CNTN3: variants seen among roughly 807,000 people sequenced by gnomAD.
CNTN3 encodes the protein contactin-3.
In CNTN3, 60 loss-of-function variants were observed where a neutral mutation model predicts 119.1. That is an observed-to-expected ratio of 0.50 (90% CI 0.41 to 0.62). The LOEUF (loss-of-function observed/expected upper bound fraction) is 0.62. Ranked by LOEUF, CNTN3 falls within the 20% of genes least tolerant of loss-of-function variation. The probability of loss-of-function intolerance (pLI) is 0.00; values close to 1 mark genes in which losing one functional copy is unlikely to be tolerated. For missense variants in CNTN3, 1,101 were observed against 1,242.4 expected (o/e 0.89, Z 1.71); for synonymous variants, 450 against 438.7 (o/e 1.03, Z -0.32).
chr3:74,399,102 TCTC>T (rs2106845374), intron 5 of CNTN3, among the ~76,000 whole-genome samples: 1 of 152,280 alleles, frequency 6.6e-6, no homozygotes, highest in South Asian at 2.1e-4. Context: ...TGGAATTTAT[TCTC>T]CTATCTAACT....
chr3:74,352,871 T>C (rs1191688645), intron 11 of CNTN3, among the ~76,000 whole-genome samples: 2 of 152,168 alleles, frequency 1.3e-5, no homozygotes, highest in African/African-American at 4.8e-5. Context: ...GTAGATTCAC[T>C]GAAACTCACT....
At chr3:74,369,479 G>A in intron 7 of CNTN3, 106 bp from the exon 8 acceptor site, 2 of 804,976 alleles carry the variant, frequency 2.5e-6, no homozygotes, top group Admixed American at 3.2e-5. Flanking sequence ...TTTAAATGCA[G>A]AAAACCACTT....
At chr3:74,324,207 C>A (rs1257061509) in intron 13 of CNTN3, among the ~76,000 whole-genome samples, 1 of 133,988 alleles carries the variant, frequency 7.5e-6, no homozygotes, top group Non-Finnish European at 1.6e-5. Flanking sequence ...CAAACTAACT[C>A]TTCTTCTTCT....
At chr3:74,416,478 T>C (rs967088838) in intron 5 of CNTN3, among the ~76,000 whole-genome samples, 19 of 152,278 alleles carry the variant, frequency 1.2e-4, no homozygotes, top group African/African-American at 3.6e-4. Flanking sequence ...TCAAGCAGTC[T>C]AGCTCTAGGT....
chr3:74,346,551 T>G (rs1285070272), intron 11 of CNTN3, among the ~76,000 whole-genome samples: 1 of 152,206 alleles, frequency 6.6e-6, no homozygotes, highest in Non-Finnish European at 1.5e-5. Flanking sequence ...ATGAATTGTT[T>G]GGAGTGAGGC....
rs187759098 is a variant in CNTN3, at chr3:74,464,783, C to A, written c.358+21673G>T. 2.2e-3 allele frequency among the ~76,000 whole-genome samples: 339 copies of A among 152,266 alleles called. 1 individual carries two copies. The highest frequency in any genetic ancestry group is 7.7e-3 in the African/African-American group (320 of 41,560). ...GTCATTTGTGCTGTTAAATTAATTA[C>A]AATATAAAATAGGTTAATGGCATCT... On this transcript the variant is annotated intron_variant, in intron 4 of 22. Transcript: ENST00000263665.
At chr3:74,411,588 T>G (rs1026837347) in intron 5 of CNTN3, among the ~76,000 whole-genome samples, 1 of 152,234 alleles carries the variant, frequency 6.6e-6, no homozygotes, top group South Asian at 2.1e-4. Flanking sequence ...ATTGTCCTCA[T>G]ACTTTTCCAT....
chr3:74,277,210 C>G (rs574181632), intron 20 of CNTN3, among the ~76,000 whole-genome samples: 1 of 151,674 alleles, frequency 6.6e-6, no homozygotes, highest in East Asian at 1.9e-4. Context: ...CCATTGGAAC[C>G]AATCCTGTTT....
At chr3:74,465,209 A>G (rs1210150931) in intron 4 of CNTN3, among the ~76,000 whole-genome samples, 1 of 152,192 alleles carries the variant, frequency 6.6e-6, no homozygotes, top group Non-Finnish European at 1.5e-5. Flanking sequence ...CTGTAAGCTA[A>G]CTTCCAAAAT....
intron 4 of CNTN3, among the ~76,000 whole-genome samples, chr3:74,456,468 T>C (rs1372757253): frequency 1.3e-5 from 2 of 152,016 alleles, no homozygotes; most frequent in African/African-American, 4.8e-5. Flanking sequence ...AGGAGGGGAA[T>C]AGATATGAAA....
chr3:74,268,035 TAA>T lies in CNTN3; in HGVS notation c.2705-659_2705-658del, dbSNP rs564266272. ...AAAAATTGCAAGAGAGTCTATATTTTAAAAGTCTTCGTTTTCCAGGCTTAAAT... is the reference window on the plus strand; with the variant it reads ...AAAAATTGCAAGAGAGTCTATATTTTAAGTCTTCGTTTTCCAGGCTTAAAT... On this transcript the variant is annotated intron_variant, in intron 20 of 22. Coordinates refer to ENST00000263665, the MANE Select transcript of CNTN3 (RefSeq NM_020872.3). Among the ~76,000 whole-genome samples the T allele has an allele frequency of 3.5e-3, 539 of 152,258 alleles. 2 individuals carry two copies. The highest frequency in any genetic ancestry group is 0.012 in the African/African-American group (500 of 41,554).
intron 13 of CNTN3, among the ~76,000 whole-genome samples, chr3:74,315,754 T>C (rs1314797405): frequency 6.6e-6 from 1 of 152,120 alleles, no homozygotes; most frequent in Non-Finnish European, 1.5e-5. Context: ...AATTGGTTAT[T>C]CATATGCAGA....
At chr3:74,340,196 T>C (rs571321098) in intron 11 of CNTN3, among the ~76,000 whole-genome samples, 1 of 152,244 alleles carries the variant, frequency 6.6e-6, no homozygotes, top group South Asian at 2.1e-4. Context: ...GTGTAAGGGC[T>C]TGAGCATCCA....
chr3:74,573,173 T>C (rs1014539752), intron 1 of CNTN3, among the ~76,000 whole-genome samples: 7 of 152,034 alleles, frequency 4.6e-5, no homozygotes, highest in African/African-American at 1.7e-4. Flanking sequence ...TCAACATGAA[T>C]GTATTAATAT....
intron 2 of CNTN3, among the ~76,000 whole-genome samples, chr3:74,516,774 A>C (rs1420281766): frequency 6.9e-6 from 1 of 144,320 alleles, no homozygotes; most frequent in South Asian, 2.1e-4. Flanking sequence ...AGCCCTGATA[A>C]GTAAATGAGC....
At chr3:74,414,484 A>C (rs1240233027) in intron 5 of CNTN3, among the ~76,000 whole-genome samples, 1 of 152,206 alleles carries the variant, frequency 6.6e-6, no homozygotes, top group Non-Finnish European at 1.5e-5. Flanking sequence ...ATGTGTTTCA[A>C]AGTATGGCTT....
At chr3:74,535,987 A>G (rs986661972) in intron 1 of CNTN3, among the ~76,000 whole-genome samples, 3 of 152,122 alleles carry the variant, frequency 2.0e-5, no homozygotes. Flanking sequence ...TATTAGAAAC[A>G]ATTCAATATT....
intron 20 of CNTN3, among the ~76,000 whole-genome samples, chr3:74,269,811 CA>C (rs1209634613): frequency 6.6e-6 from 1 of 151,896 alleles, no homozygotes; most frequent in Admixed American, 6.6e-5. Context: ...TCAGAATAGT[CA>C]AAAATTCACA....
rs534524249 is a variant in CNTN3, at chr3:74,549,516, T to A, written c.-80-28324A>T. On this transcript the variant is annotated intron_variant, in intron 1 of 22. Coordinates refer to ENST00000263665, the MANE Select transcript of CNTN3 (RefSeq NM_020872.3). ...TGTGTTCCAAAAGATGGATGGAAAA[T>A]CCTAACAAGATTCAAAGGTCTGCCT... Among the ~76,000 whole-genome samples, 4 of 151,970 alleles carry A rather than the reference T, an allele frequency of 2.6e-5. No individual in the cohort carries two copies. In the East Asian group the frequency reaches 7.7e-4, roughly 29 times the overall value.
Sources: gnomAD v4.1 joint callset for allele counts (sites outside exome capture counted in the v4.1 genomes callset) on GRCh38, gnomAD v4.1.1 for gene constraint, MANE v1.5 for transcripts, NCBI Gene and HGNC (gene_info 2026-07-23, HGNC 2026-07-21) for gene names.